The following ITGA1 variants were observed in gnomAD, a reference collection of about 807,000 sequenced individuals.
The protein encoded by ITGA1 is integrin subunit alpha 1, also known as integrin alpha-1.
A neutral mutation model predicts 145.9 loss-of-function variants in ITGA1; 85 were observed. The ratio of observed to expected loss-of-function variants is 0.58; its 90% confidence interval spans 0.49 to 0.70. ITGA1 has a LOEUF of 0.70. Among genes scored for constraint, ITGA1 ranks in the 30% least tolerant of loss-of-function variants. The pLI is 0.00. For synonymous variants in ITGA1, 520 were observed against 495.3 expected (o/e 1.05, Z -0.66); for missense variants, 1,351 against 1,418.7 (o/e 0.95, Z 0.77).
intron 28 of ITGA1, among the ~76,000 whole-genome samples, chr5:52,948,400 A>G (rs1751166190): frequency 6.6e-6 from 1 of 152,194 alleles, no homozygotes; most frequent in African/African-American, 2.4e-5. Flanking sequence ...TATTTAATCA[A>G]ATAGTTTAAA....
chr5:52,903,094 A>G (rs1003846252), intron 11 of ITGA1: 6 of 152,148 alleles, frequency 3.9e-5, no homozygotes, highest in Non-Finnish European at 7.3e-5. Context: ...GTTATCAAGT[A>G]TAAGTCATCA....
At chr5:52,911,549 A>ATATATAGTGTATCTACTATATATAC (rs1750533647) in intron 14 of ITGA1, among the ~76,000 whole-genome samples, 1 of 66,592 alleles carries the variant, frequency 1.5e-5, no homozygotes, top group African/African-American at 4.9e-5. Flanking sequence ...TACATATACT[A>ATATATAGTGTATCTACTATATATAC]TATATAGTGT....
At chr5:52,895,435 A>C (rs1318595362) in intron 9 of ITGA1, among the ~76,000 whole-genome samples, 1 of 152,184 alleles carries the variant, frequency 6.6e-6, no homozygotes, top group East Asian at 1.9e-4. Context: ...CCTTAAGGAA[A>C]ATACATAAGG....
intron 1 of ITGA1, among the ~76,000 whole-genome samples, chr5:52,812,582 G>A (rs1428080967): frequency 3.9e-5 from 6 of 152,102 alleles, no homozygotes; most frequent in Non-Finnish European, 7.3e-5. Context: ...GAAAATCTTG[G>A]ATCTCCCACA....
At chr5:52,788,916 G>C (rs1748183801) in intron 1 of ITGA1, among the ~76,000 whole-genome samples, 1 of 152,162 alleles carries the variant, frequency 6.6e-6, no homozygotes, top group South Asian at 2.1e-4. Context: ...AGGGATGCAA[G>C]ACGAAACTGC....
chr5:52,792,436 A>G (rs1748259935), intron 1 of ITGA1, among the ~76,000 whole-genome samples: 1 of 152,234 alleles, frequency 6.6e-6, no homozygotes, highest in African/African-American at 2.4e-5. Context: ...TTTAGTAAAC[A>G]GGCAATGAGA....
At chr5:52,837,497 C>T (rs1749178478) in intron 1 of ITGA1, among the ~76,000 whole-genome samples, 3 of 152,002 alleles carry the variant, frequency 2.0e-5, no homozygotes, top group Non-Finnish European at 4.4e-5. Flanking sequence ...GTTTTTATTC[C>T]CTTTTAGACC....
chr5:52,862,658 A>G (rs1749625239), intron 3 of ITGA1, among the ~76,000 whole-genome samples: 1 of 152,198 alleles, frequency 6.6e-6, no homozygotes, highest in African/African-American at 2.4e-5. Flanking sequence ...TGTAATAGAT[A>G]AATTTAATTT....
intron 1 of ITGA1, among the ~76,000 whole-genome samples, chr5:52,830,813 C>T (rs955626116): frequency 3.9e-5 from 6 of 152,214 alleles, no homozygotes; most frequent in Non-Finnish European, 8.8e-5. Flanking sequence ...CCAGGCAGGG[C>T]TGTCAGTTTG....
intron 14 of ITGA1, among the ~76,000 whole-genome samples, chr5:52,913,041 T>C (rs1399694353): frequency 2.6e-5 from 4 of 152,038 alleles, no homozygotes; most frequent in East Asian, 3.9e-4. Flanking sequence ...CCACCGTGCC[T>C]GGCCGTAATT....
At chr5:52,798,962 T>G (rs1486755070) in intron 1 of ITGA1, among the ~76,000 whole-genome samples, 9 of 152,182 alleles carry the variant, frequency 5.9e-5, no homozygotes, top group Non-Finnish European at 1.3e-4. Flanking sequence ...AACTTTTCCC[T>G]TTGGCTTAAT....
chr5:52,804,976 AT>A lies in ITGA1; in HGVS notation c.61+16569del, dbSNP rs3842597. Among the ~76,000 whole-genome samples the A allele has an allele frequency of 0.015, 2,347 of 152,206 alleles. 126 individuals are homozygous for A. The East Asian group carries it at 0.21, about 14-fold the overall frequency. On this transcript the variant is annotated intron_variant, in intron 1 of 28. Coordinates refer to ENST00000282588, the MANE Select transcript of ITGA1 (RefSeq NM_181501.2). The stretch of plus-strand genomic sequence containing the variant: ...AAGAGTAATATATTTAATTTTATCC[AT>A]TTTTTTAGTGCCTTTTTTGAACCAA...
At chr5:52,911,537 GA>G (rs1561246302) in intron 14 of ITGA1, among the ~76,000 whole-genome samples, 3 of 104,932 alleles carry the variant, frequency 2.9e-5, no homozygotes, top group Non-Finnish European at 5.5e-5. Flanking sequence ...CTATATATTA[GA>G]TACATATACT....
intron 6 of ITGA1, chr5:52,866,906 C>A: frequency 6.6e-6 from 1 of 152,060 alleles, no homozygotes; most frequent in Non-Finnish European, 1.5e-5. Context: ...TGCCTCAGGT[C>A]AGGAATTAGC....
rs1751331377 is a variant in ITGA1, at chr5:52,958,231, A to G, written c.*5780A>G. On this transcript the variant is annotated 3_prime_UTR_variant, in exon 29 of 29. Transcript: ENST00000282588. ...AGCATTTTGCACCTTGAGAGACAGGAAAAAAAATGGGGGTGAGGGAGTGGA... is the reference window on the plus strand; with the variant it reads ...AGCATTTTGCACCTTGAGAGACAGGGAAAAAAATGGGGGTGAGGGAGTGGA... The G allele has an allele frequency of 6.6e-6, 1 of 151,948 alleles. No homozygotes were observed. The highest frequency in any genetic ancestry group is 1.5e-5 in the Non-Finnish European group (1 of 67,966). 9.4% of individuals were successfully genotyped at this position (151,948 alleles called of 1,614,324 possible). A position where few individuals can be genotyped will look rare whatever the true frequency, so the allele number is the denominator to read the frequency against.
At chr5:52,947,590 C>G in intron 28 of ITGA1, 129 bp downstream of exon 28, 1 of 618,418 alleles carries the variant, frequency 1.6e-6, no homozygotes, top group Non-Finnish European at 2.8e-6. Flanking sequence ...GAAATGATGA[C>G]TAAGGGAAAG....
chr5:52,945,895 G>A (rs976320850), intron 27 of ITGA1, among the ~76,000 whole-genome samples: 5 of 152,298 alleles, frequency 3.3e-5, no homozygotes, highest in South Asian at 4.1e-4. Context: ...CATAAAGAGC[G>A]CTTAGCATAA....
In ITGA1 at chr5:52,918,784, G is replaced by A. The variant is rs1484723906; in HGVS notation, c.2041G>A (p.Val681Met). ...GACCATGAATTTTGAGCCAAATAAA[G>A]TGAATATTCAAAAGAAAAACTGCCA... is the stretch of plus-strand genomic sequence containing the variant. ...KVTMNFEPNK[V>M]NIQKKNCHME... Residue 681 changes from valine to methionine, a missense_variant, in exon 16 of 29, where the codon GTG (valine) becomes ATG (methionine). Val to Met is a conservative substitution (Grantham distance 21). Transcript: ENST00000282588. 9 of 1,612,160 alleles carry A rather than the reference G, an allele frequency of 5.6e-6. No homozygotes were observed. Among genetic ancestry groups the A allele is most frequent in the Non-Finnish European group, 6.8e-6 (8 of 1,179,116 alleles).
chr5:52,873,448 C>A (rs1425979226), intron 6 of ITGA1, among the ~76,000 whole-genome samples: 3 of 152,122 alleles, frequency 2.0e-5, no homozygotes, highest in Non-Finnish European at 2.9e-5. Context: ...TTTTCTAGAA[C>A]CTGTATCTAT....
Sources: allele counts gnomAD v4.1 joint callset (sites outside exome capture counted in the v4.1 genomes callset), GRCh38; gene constraint gnomAD v4.1.1; transcripts MANE v1.5; gene names NCBI Gene and HGNC (gene_info 2026-07-23, HGNC 2026-07-21).